Variants in SLC12A1 observed in about 807,000 individuals in gnomAD.
SLC12A1 encodes the protein Na-K-2Cl cotransporter.
Under a neutral mutation model 130.4 loss-of-function variants are expected in SLC12A1, and 89 were observed. That is an observed-to-expected ratio of 0.68 (90% CI 0.58 to 0.81). The LOEUF (loss-of-function observed/expected upper bound fraction) is 0.81, where lower values mean the gene tolerates loss of function less well. Among genes scored for constraint, SLC12A1 ranks in the 40% least tolerant of loss-of-function variants. The pLI, the probability that SLC12A1 is intolerant of heterozygous loss-of-function variation, is 0.00. For missense variants in SLC12A1, 1,310 were observed against 1,336.4 expected (o/e 0.98, Z 0.31); for synonymous variants, 499 against 460.0 (o/e 1.08, Z -1.09).
At chr15:48,234,761 A>T (rs2141039865) in intron 8 of SLC12A1, 116 bp from the exon 9 acceptor site, 2 of 1,039,972 alleles carry the variant, frequency 1.9e-6, no homozygotes, top group Admixed American at 4.8e-5. Context: ...TCAAAAAAAA[A>T]AAAATTAGAA....
intron 20 of SLC12A1, among the ~76,000 whole-genome samples, chr15:48,274,883 AAT>A (rs1280816021): frequency 6.6e-6 from 1 of 152,242 alleles, no homozygotes; most frequent in Admixed American, 6.5e-5. Flanking sequence ...GGTAGTCATC[AAT>A]TATTTTTCTT....
intron 5 of SLC12A1, chr15:48,227,632 A>G (rs2041308485): frequency 6.1e-6 from 1 of 164,492 alleles, no homozygotes; most frequent in Non-Finnish European, 1.3e-5. Flanking sequence ...GAAGATCATT[A>G]GAAGGGAATA....
intron 20 of SLC12A1, among the ~76,000 whole-genome samples, chr15:48,283,169 A>T (rs2042025084): frequency 6.6e-6 from 1 of 152,214 alleles, no homozygotes; most frequent in Non-Finnish European, 1.5e-5. Flanking sequence ...TGCCTATAGA[A>T]TGCCATTCTT....
chr15:48,226,426 C>A, intron 4 of SLC12A1, 50 bp from the exon 5 acceptor site: 2 of 1,166,680 alleles, frequency 1.7e-6, no homozygotes, highest in Non-Finnish European at 2.5e-6. Flanking sequence ...AATAGGGAAT[C>A]CAAGGAAGAA....
chr15:48,233,008 A>G (rs1161673444), intron 8 of SLC12A1, among the ~76,000 whole-genome samples, 170 bp downstream of exon 8: 1 of 152,206 alleles, frequency 6.6e-6, no homozygotes, highest in African/African-American at 2.4e-5. Flanking sequence ...AACATAATAG[A>G]GGCAAAAACT....
At chr15:48,211,129 A>G (rs2041047451) in intron 2 of SLC12A1, among the ~76,000 whole-genome samples, 1 of 152,204 alleles carries the variant, frequency 6.6e-6, no homozygotes, top group South Asian at 2.1e-4. Flanking sequence ...CTTGATGCTC[A>G]GTTATCTAGG....
intron 10 of SLC12A1, among the ~76,000 whole-genome samples, chr15:48,243,881 T>C (rs1043022640): frequency 6.6e-6 from 1 of 152,218 alleles, no homozygotes; most frequent in African/African-American, 2.4e-5. Flanking sequence ...TTATCCTTCA[T>C]GTAGTTCAGA....
At chr15:48,248,304 C>A (rs1377837635) in intron 13 of SLC12A1, among the ~76,000 whole-genome samples, 4 of 152,154 alleles carry the variant, frequency 2.6e-5, no homozygotes, top group African/African-American at 7.2e-5. Context: ...GAATTTGTAA[C>A]TCTCTGTGTT....
At chr15:48,219,602 AAGAAAGAG>A (rs1305943917) in intron 2 of SLC12A1, among the ~76,000 whole-genome samples, 1 of 151,908 alleles carries the variant, frequency 6.6e-6, no homozygotes, top group African/African-American at 2.4e-5. Flanking sequence ...GAAAGAAAGA[AAGAAAGAG>A]AGAGAGAAGG....
chr15:48,299,712 T>C (rs955876347), intron 25 of SLC12A1, among the ~76,000 whole-genome samples: 5 of 152,324 alleles, frequency 3.3e-5, no homozygotes, highest in Non-Finnish European at 7.4e-5. Context: ...AAACATATGA[T>C]GTGACTGGAA....
chr15:48,299,004 C>A, intron 24 of SLC12A1, 136 bp from the exon 25 acceptor site: 1 of 780,458 alleles, frequency 1.3e-6, no homozygotes, highest in Non-Finnish European at 2.0e-6. Context: ...AAATTCCCTG[C>A]AAAGATAATT....
intron 5 of SLC12A1, chr15:48,227,375 C>G: frequency 1.7e-6 from 1 of 590,686 alleles, no homozygotes; most frequent in Non-Finnish European, 3.0e-6. Context: ...TTTCTTGTAA[C>G]AAAACATGTT....
At chr15:48,216,529 T>TAA (rs1797263392) in intron 2 of SLC12A1, among the ~76,000 whole-genome samples, 1 of 152,174 alleles carries the variant, frequency 6.6e-6, no homozygotes, top group Admixed American at 6.5e-5. Flanking sequence ...AGACCATCTT[T>TAA]AAAAAAGGCA....
chr15:48,266,675 T>C (rs2041835047), intron 17 of SLC12A1, among the ~76,000 whole-genome samples: 1 of 152,126 alleles, frequency 6.6e-6, no homozygotes, highest in Admixed American at 6.6e-5. Flanking sequence ...TACAAATCTC[T>C]CTATAAATTA....
intron 20 of SLC12A1, among the ~76,000 whole-genome samples, chr15:48,284,062 T>A (rs1438836598): frequency 6.6e-6 from 1 of 152,186 alleles, no homozygotes; most frequent in Non-Finnish European, 1.5e-5. Flanking sequence ...GCTTGGATAG[T>A]GTGTCTCAAC....
At chr15:48,275,391 A>G (rs1348862772) in intron 20 of SLC12A1, among the ~76,000 whole-genome samples, 2 of 152,158 alleles carry the variant, frequency 1.3e-5, no homozygotes, top group African/African-American at 2.4e-5. Context: ...TGCTGGGTAG[A>G]CCAAGATTAA....
intron 2 of SLC12A1, among the ~76,000 whole-genome samples, chr15:48,210,841 C>T (rs1335615562): frequency 1.3e-5 from 2 of 150,370 alleles, no homozygotes; most frequent in African/African-American, 2.5e-5. Context: ...CCAGTCTGGG[C>T]AACAGGAGTG....
rs760831741 is a variant in SLC12A1 at position 48,251,577 on chromosome 15, T to G, written c.1787-38T>G. On this transcript the variant is annotated intron_variant, in intron 14 of 26. Coordinates refer to ENST00000380993, the MANE Select transcript of SLC12A1 (RefSeq NM_000338.3). ...CTAATATTCAGTGCCATGATCATAG[T>G]AGAGTGGAAGTTTTCCTTCTGCATA... The G allele has an allele frequency of 7.8e-6, 12 of 1,545,094 alleles. No homozygotes were observed. The East Asian group carries it at 2.5e-4, about 32-fold the overall frequency.
chr15:48,237,651 A>G (rs1362987070), intron 9 of SLC12A1, among the ~76,000 whole-genome samples: 1 of 152,240 alleles, frequency 6.6e-6, no homozygotes, highest in African/African-American at 2.4e-5. Context: ...TTATGATTTT[A>G]TAATTAGGCT....
Sources: allele counts gnomAD v4.1 joint callset (sites outside exome capture counted in the v4.1 genomes callset), GRCh38; gene constraint gnomAD v4.1.1; transcripts MANE v1.5; gene names NCBI Gene and HGNC (gene_info 2026-07-23, HGNC 2026-07-21).